Variants in RPN2 observed in about 807,000 individuals in gnomAD.
RPN2 encodes the protein dolichyl-diphosphooligosaccharide--protein glycosyltransferase subunit 2.
RPN2 carries 29 observed loss-of-function variants against 71.4 expected under a neutral mutation model. That is an observed-to-expected ratio of 0.41 (90% confidence interval 0.30 to 0.55). The LOEUF (loss-of-function observed/expected upper bound fraction) is 0.55. Among genes scored for constraint, RPN2 ranks in the 20% least tolerant of loss-of-function variants. RPN2 has a pLI of 0.35. For missense variants in RPN2, 726 were observed against 774.1 expected, an observed-to-expected ratio of 0.94 and a Z score of 0.74; for synonymous variants, 308 against 305.0, an observed-to-expected ratio of 1.01 and a Z score of -0.10.
At chr20:37,233,509 G>A (rs994142176) in intron 14 of RPN2, among the ~76,000 whole-genome samples, 6 of 152,218 alleles carry the variant, frequency 3.9e-5, no homozygotes, top group African/African-American at 1.4e-4. Flanking sequence ...TTTAAATCTA[G>A]ATAAATCTAG....
rs765252988 is a variant in RPN2 at position 37,230,073 on chromosome 20, G to A, written c.1581+14G>A. The A allele has an allele frequency of 4.4e-6, 7 of 1,600,164 alleles. No individual in the cohort carries two copies. In the Admixed American group the frequency reaches 1.0e-4, roughly 23 times the overall value. On this transcript the variant is annotated intron_variant, in intron 13 of 16. Coordinates refer to ENST00000237530, the MANE Select transcript of RPN2 (RefSeq NM_002951.5). ...CAGGAAATTCAGGTATATCCCAAAG[G>A]GCCTATCCACTAAACGTGGGAGAAG... is the stretch of plus-strand genomic sequence containing the variant.
intron 13 of RPN2, among the ~76,000 whole-genome samples, chr20:37,231,116 C>T (rs2068231488): frequency 6.6e-6 from 1 of 152,076 alleles, no homozygotes; most frequent in South Asian, 2.1e-4. Flanking sequence ...ATCAAATGCA[C>T]TATTTCATTT....
chr20:37,199,278 C>G, intron 4 of RPN2, 53 bp downstream of exon 4: 4 of 1,601,646 alleles, frequency 2.5e-6, no homozygotes, highest in Non-Finnish European at 3.4e-6. Context: ...GGGTCCTATC[C>G]GAAGAGGGCT....
intron 9 of RPN2, among the ~76,000 whole-genome samples, chr20:37,216,311 C>T (rs1452807384): frequency 6.6e-6 from 1 of 152,078 alleles, no homozygotes; most frequent in Non-Finnish European, 1.5e-5. Context: ...CGCACTCCAG[C>T]CTGGGCAATG....
At chr20:37,232,425 T>C (rs1484465742) in intron 14 of RPN2, 34 bp downstream of exon 14, 14 of 1,612,250 alleles carry the variant, frequency 8.7e-6, no homozygotes, top group Non-Finnish European at 1.2e-5. Context: ...GCAGCATGCG[T>C]CTGGCGCCAG....
intron 9 of RPN2, among the ~76,000 whole-genome samples, chr20:37,215,912 G>T (rs568979040): frequency 6.6e-6 from 1 of 151,974 alleles, no homozygotes; most frequent in South Asian, 2.1e-4. Flanking sequence ...GTTTTCTTTT[G>T]GTTTGTTAGT....
chr20:37,223,806 C>T, intron 9 of RPN2, 72 bp from the exon 10 acceptor site: 1 of 1,289,888 alleles, frequency 7.8e-7, no homozygotes, highest in Non-Finnish European at 1.1e-6. Flanking sequence ...GAATAGAAAA[C>T]TTTATATCTG....
chr20:37,221,773 G>A (rs1317053260), intron 9 of RPN2, among the ~76,000 whole-genome samples: 1 of 152,210 alleles, frequency 6.6e-6, no homozygotes, highest in East Asian at 1.9e-4. Flanking sequence ...CAAAATTGGA[G>A]GGCTGCTAAG....
chr20:37,223,474 G>A (rs763651469), intron 9 of RPN2, among the ~76,000 whole-genome samples: 4 of 152,146 alleles, frequency 2.6e-5, no homozygotes, highest in Non-Finnish European at 5.9e-5. Context: ...TCTTTACAAA[G>A]CCAGTGCCTT....
intron 15 of RPN2, among the ~76,000 whole-genome samples, chr20:37,234,557 T>C (rs1282468384): frequency 6.6e-6 from 1 of 152,246 alleles, no homozygotes; most frequent in East Asian, 1.9e-4. Context: ...CTGGAGACCT[T>C]AGGACTTCAA....
At chr20:37,191,295 G>A (rs534458656) in intron 2 of RPN2, among the ~76,000 whole-genome samples, 1 of 152,118 alleles carries the variant, frequency 6.6e-6, no homozygotes, top group East Asian at 1.9e-4. Context: ...TGGCCAACAC[G>A]GCAAAACCCT....
intron 9 of RPN2, among the ~76,000 whole-genome samples, chr20:37,217,328 C>T (rs189585324): frequency 6.0e-5 from 9 of 150,650 alleles, no homozygotes; most frequent in Admixed American, 4.0e-4. Context: ...GAGTCTCGCT[C>T]TGTCACCAGG....
intron 5 of RPN2, 103 bp downstream of exon 5, chr20:37,204,063 G>C: frequency 1.2e-6 from 1 of 800,832 alleles, no homozygotes; most frequent in Admixed American, 1.9e-5. Context: ...AGGTTACATT[G>C]CTTCTTATAT....
intron 1 of RPN2, among the ~76,000 whole-genome samples, chr20:37,182,509 G>A (rs903429720): frequency 5.3e-5 from 8 of 151,930 alleles, no homozygotes; most frequent in African/African-American, 1.7e-4. Flanking sequence ...TCCTACCTCC[G>A]CCTCCCGAGT....
In RPN2 at chr20:37,234,107, A is replaced by C; in HGVS notation, c.1753+12A>C. On this transcript the variant is annotated intron_variant, in intron 15 of 16. Coordinates refer to ENST00000237530, the MANE Select transcript of RPN2 (RefSeq NM_002951.5). ...CCTGGGACATGCTGGTAAGTGCCCC[A>C]GGCTGCTAATTACCTGTAACGTCCT... 6.2e-7 allele frequency: 1 copy of C among 1,613,834 alleles called. No homozygotes were observed. Among genetic ancestry groups the C allele is most frequent in the Non-Finnish European group, 8.5e-7 (1 of 1,179,854 alleles).
chr20:37,210,553 G>A (rs1263899986), intron 8 of RPN2, among the ~76,000 whole-genome samples: 1 of 142,022 alleles, frequency 7.0e-6, no homozygotes, highest in East Asian at 2.0e-4. Context: ...TTTTTGAGGC[G>A]GAGTTTTGCT....
intron 16 of RPN2, among the ~76,000 whole-genome samples, chr20:37,239,299 C>T (rs1423196320): frequency 6.6e-6 from 1 of 152,196 alleles, no homozygotes; most frequent in Admixed American, 6.5e-5. Flanking sequence ...CTTTATTCAC[C>T]AAGACAGGTG....
At chr20:37,205,593 T>C (rs1017070012) in intron 6 of RPN2, among the ~76,000 whole-genome samples, 43 of 152,228 alleles carry the variant, frequency 2.8e-4, no homozygotes, top group African/African-American at 1.0e-3. Flanking sequence ...AATTTTCATT[T>C]CTTTATGCAT....
intron 8 of RPN2, among the ~76,000 whole-genome samples, chr20:37,210,418 A>AT (rs560889733): frequency 5.3e-5 from 8 of 151,958 alleles, no homozygotes; most frequent in African/African-American, 1.5e-4. Flanking sequence ...ATATTTATTG[A>AT]TTTTTTTCTG....
Sources: allele counts gnomAD v4.1 joint callset (sites outside exome capture counted in the v4.1 genomes callset), GRCh38; gene constraint gnomAD v4.1.1; transcripts MANE v1.5; gene names NCBI Gene and HGNC (gene_info 2026-07-23, HGNC 2026-07-21).